Variants in ACMSD observed in about 807,000 individuals in gnomAD.
The protein encoded by ACMSD is 2-amino-3-carboxymuconate-6-semialdehyde decarboxylase.
Under a neutral mutation model 45.9 loss-of-function variants are expected in ACMSD, and 37 were observed. The observed-to-expected ratio is 0.81, with a 90% CI of 0.62 to 1.06. The LOEUF is 1.06. Among genes scored for constraint, ACMSD ranks in the 50% least tolerant of loss-of-function variants. ACMSD has a pLI of 0.00. For synonymous variants in ACMSD, 138 were observed against 148.8 expected (o/e 0.93, Z 0.53); for missense variants, 434 against 420.9 (o/e 1.03, Z -0.27).
intron 1 of ACMSD, among the ~76,000 whole-genome samples, chr2:134,839,947 C>T (rs1686706649): frequency 6.6e-6 from 1 of 151,912 alleles, no homozygotes; most frequent in Admixed American, 6.6e-5. Context: ...AGTGCATCTG[C>T]CTTGTTTAGA....
At chr2:134,900,957 C>T (rs1161540930) in intron 9 of ACMSD, among the ~76,000 whole-genome samples, 1 of 152,172 alleles carries the variant, frequency 6.6e-6, no homozygotes, top group African/African-American at 2.4e-5. Flanking sequence ...CATGGTTCCT[C>T]CTAGCAGCAA....
intron 1 of ACMSD, among the ~76,000 whole-genome samples, chr2:134,844,634 A>C (rs573533541): frequency 6.6e-6 from 1 of 152,214 alleles, no homozygotes; most frequent in African/African-American, 2.4e-5. Flanking sequence ...CTTCTGACCT[A>C]CTAGGATGGC....
At chr2:134,874,948 A>G (rs147227043) in intron 8 of ACMSD, among the ~76,000 whole-genome samples, 105 of 152,316 alleles carry the variant, frequency 6.9e-4, no homozygotes, top group African/African-American at 2.4e-3. Flanking sequence ...TGGGAATATA[A>G]AGGTAATTAT....
Position 134,898,397 on chromosome 2 carries a change from G to A in ACMSD, c.906G>A (p.Gly302=). The A allele has an allele frequency of 1.2e-6, 2 of 1,602,582 alleles. No individual in the cohort carries two copies. ...TTCCACTAGGTGAGCTGGAACCTGG[G>A]AAACTAATAGAGTCCATGGAAGAAT... ...YPFPLGELEP[G]KLIESMEEFD... Residue 302 remains glycine, a synonymous_variant, in exon 9 of 10, where the codon GGG becomes GGA. Coordinates refer to ENST00000356140, the MANE Select transcript of ACMSD (RefSeq NM_138326.3).
In ACMSD at chr2:134,872,337, T is replaced by C. The variant is rs79434847; in HGVS notation, c.677-132T>C. 0.019 allele frequency: 18,192 copies of C among 948,308 alleles called. 1,562 individuals are homozygous for C. The East Asian group carries it at 0.27, about 14-fold the overall frequency. The allele number at this position is 948,308 out of a possible 1,614,324, so 58.7% of individuals were successfully genotyped here. A position where few individuals can be genotyped will look rare whatever the true frequency, so the allele number is the denominator to read the frequency against. On this transcript the variant is annotated intron_variant, in intron 7 of 9. Transcript: ENST00000356140. ...CCATTTCTTCCATCATCTCCCAGCATTCAGAACACAATAGGTCCTCTGTAA... is the reference window on the plus strand; with the variant it reads ...CCATTTCTTCCATCATCTCCCAGCACTCAGAACACAATAGGTCCTCTGTAA...
rs1255952475 is a variant in ACMSD at position 134,872,872 on chromosome 2, T to C, written c.849+231T>C. On this transcript the variant is annotated intron_variant, in intron 8 of 9. Coordinates refer to ENST00000356140, the MANE Select transcript of ACMSD (RefSeq NM_138326.3). ...GAAACTATTATATATGCCAGAGAAATCCCAGATCATCTACATGGCTGGGTA... is the reference window on the plus strand; with the variant it reads ...GAAACTATTATATATGCCAGAGAAACCCCAGATCATCTACATGGCTGGGTA... 3 of 482,170 alleles carry C rather than the reference T, an allele frequency of 6.2e-6. No individual in the cohort carries two copies. The South Asian group carries it at 8.7e-5, about 14-fold the overall frequency. The allele number at this position is 482,170 out of a possible 1,614,324, so 29.9% of individuals were successfully genotyped here.
rs1408068452 is a variant in ACMSD at position 134,885,452 on chromosome 2, CAT to C, written c.849+12814_849+12815del. On this transcript the variant is annotated intron_variant, in intron 8 of 9. Transcript: ENST00000356140. ...ATATAATATATAAATATATATAAAACATATGTTAGATATGTGATTTTTTTTCA... is the reference window on the plus strand; with the variant it reads ...ATATAATATATAAATATATATAAAACATGTTAGATATGTGATTTTTTTTCA... Among the ~76,000 whole-genome samples, 4 of 106,592 alleles carry C rather than the reference CAT, an allele frequency of 3.8e-5. No individual in the cohort carries two copies. The East Asian group carries it at 8.8e-4, about 23-fold the overall frequency. The allele number at this position is 106,592 out of a possible 152,430, so 69.9% of individuals were successfully genotyped here. A position where few individuals can be genotyped will look rare whatever the true frequency, so the allele number is the denominator to read the frequency against.
intron 8 of ACMSD, among the ~76,000 whole-genome samples, chr2:134,874,081 T>A (rs1688607239): frequency 6.6e-6 from 1 of 152,192 alleles, no homozygotes; most frequent in African/African-American, 2.4e-5. Flanking sequence ...GAGCACCCAG[T>A]GCAATACACA....
chr2:134,842,980 T>C (rs996596882), intron 1 of ACMSD, among the ~76,000 whole-genome samples: 18 of 151,808 alleles, frequency 1.2e-4, no homozygotes, highest in African/African-American at 3.6e-4. Context: ...AGAAAGAGAG[T>C]GAGGAAGAAG....
At chr2:134,898,306 C>G (rs760384905) in intron 8 of ACMSD, 35 bp from the exon 9 acceptor site, 1 of 1,405,500 alleles carries the variant, frequency 7.1e-7, no homozygotes, top group Non-Finnish European at 9.6e-7. Flanking sequence ...TCATGTTTTA[C>G]AAAACAACAG....
intron 8 of ACMSD, among the ~76,000 whole-genome samples, chr2:134,879,334 G>A (rs574417036): frequency 1.8e-4 from 27 of 152,232 alleles, no homozygotes; most frequent in Middle Eastern, 3.4e-3. Context: ...ACAGGCCATT[G>A]GGCTTCTAAT....
chr2:134,874,864 A>G (rs527359354), intron 8 of ACMSD, among the ~76,000 whole-genome samples: 145 of 152,366 alleles, frequency 9.5e-4, no homozygotes, highest in African/African-American at 3.2e-3. Flanking sequence ...GAAATTCTCA[A>G]TGATCATAAT....
chr2:134,870,351 G>A (rs572278499), intron 6 of ACMSD, among the ~76,000 whole-genome samples: 15 of 152,188 alleles, frequency 9.9e-5, no homozygotes, highest in African/African-American at 3.6e-4. Context: ...CATAATGATA[G>A]TTAATATTTA....
In ACMSD at chr2:134,863,568, C is replaced by T; in HGVS notation, c.423C>T (p.Val141=). 6.2e-7 allele frequency: 1 copy of T among 1,614,170 alleles called. No homozygotes were observed. Among genetic ancestry groups the T allele is most frequent in the Non-Finnish European group, 8.5e-7 (1 of 1,179,994 alleles). Reference sequence around the variant, plus strand: ...TGAAAGAGCTGGGCTTTCCCGGGGTCCAAATTGGCACCCACGTCAACGAGT... The same window carrying T: ...TGAAAGAGCTGGGCTTTCCCGGGGTTCAAATTGGCACCCACGTCAACGAGT... ...RCVKELGFPG[V]QIGTHVNEWD... is the part of the protein sequence containing the mutation. The change falls in exon 5 of 10, where the codon GTC becomes GTT. Residue 141 remains valine, a synonymous_variant. Transcript: ENST00000356140.
chr2:134,854,305 G>A (rs1182884351), intron 2 of ACMSD, among the ~76,000 whole-genome samples: 1 of 152,138 alleles, frequency 6.6e-6, no homozygotes, highest in Non-Finnish European at 1.5e-5. Flanking sequence ...GCAAACAACA[G>A]AATTCACTCT....
intron 1 of ACMSD, among the ~76,000 whole-genome samples, chr2:134,840,194 C>CAAAAAAAAAAAAAAA (rs1300580743): frequency 2.9e-5 from 2 of 68,766 alleles, no homozygotes; most frequent in African/African-American, 1.2e-4. Context: ...AAAAAAAAAA[C>CAAAAAAAAAAAAAAA]CACTAATTCC....
intron 1 of ACMSD, among the ~76,000 whole-genome samples, chr2:134,840,167 CAA>C (rs1158518481): frequency 0.038 from 888 of 23,328 alleles, 11 homozygotes; most frequent in African/African-American, 0.091. Context: ...CTATACCTAG[CAA>C]AAAAAAAAAA....
chr2:134,876,971 C>T (rs1341487176), intron 8 of ACMSD, among the ~76,000 whole-genome samples: 3 of 152,088 alleles, frequency 2.0e-5, no homozygotes, highest in African/African-American at 4.8e-5. Context: ...ATGGGTTTCA[C>T]GATGTTAGCC....
intron 8 of ACMSD, 69 bp from the exon 9 acceptor site, chr2:134,898,272 A>G: frequency 1.1e-6 from 1 of 916,126 alleles, no homozygotes; most frequent in East Asian, 2.8e-5. Context: ...GTAATAAGTA[A>G]ACAATTGTTT....
Sources: gnomAD v4.1 joint callset for allele counts (sites outside exome capture counted in the v4.1 genomes callset) on GRCh38, gnomAD v4.1.1 for gene constraint, MANE v1.5 for transcripts, NCBI Gene and HGNC (gene_info 2026-07-23, HGNC 2026-07-21) for gene names.